ELAVL4: variants seen among roughly 807,000 people sequenced by gnomAD.
The protein encoded by ELAVL4 is ELAV-like protein 4.
Under a neutral mutation model 35.6 loss-of-function variants are expected in ELAVL4, and 1 was observed. That is an observed-to-expected ratio of 0.03 (90% CI 0.01 to 0.13). The LOEUF is 0.13. ELAVL4 is among the 10% of genes least tolerant of loss of function. The probability of loss-of-function intolerance (pLI) is 1.00; values close to 1 mark genes in which losing one functional copy is unlikely to be tolerated. For missense variants in ELAVL4, 267 were observed against 464.9 expected (o/e 0.57, Z 3.91); for synonymous variants, 156 against 171.0 (o/e 0.91, Z 0.69).
At chr1:50,164,357 C>T (rs1448931319) in intron 2 of ELAVL4, among the ~76,000 whole-genome samples, 1 of 152,116 alleles carries the variant, frequency 6.6e-6, no homozygotes, top group Non-Finnish European at 1.5e-5. Context: ...AGGCAGCCCA[C>T]CCCTTAAAAA....
intron 3 of ELAVL4, among the ~76,000 whole-genome samples, chr1:50,183,808 G>C (rs1381954329): frequency 6.6e-6 from 1 of 152,126 alleles, no homozygotes; most frequent in Non-Finnish European, 1.5e-5. Context: ...TCCTATCACT[G>C]CTCTTAATGC....
intron 2 of ELAVL4, among the ~76,000 whole-genome samples, chr1:50,156,563 A>C (rs1198525558): frequency 6.6e-6 from 1 of 152,214 alleles, no homozygotes. Context: ...GGAGAATAGA[A>C]TGGAAACTTA....
chr1:50,102,564 T>A (rs993567767), upstream of ELAVL4, among the ~76,000 whole-genome samples: 4 of 152,142 alleles, frequency 2.6e-5, no homozygotes, highest in South Asian at 2.1e-4. Context: ...AGAATTTTTT[T>A]AAATTCCATA....
At chr1:50,106,221 G>T, upstream of ELAVL4, 1 of 1,241,630 alleles carries the variant, frequency 8.1e-7, no homozygotes, top group Non-Finnish European at 1.1e-6. Flanking sequence ...ACGCTGAATT[G>T]GCTTCTGGTA....
rs539364667 is a variant in ELAVL4, at chr1:50,069,246, G to A, written c.18+21064G>A. Among the ~76,000 whole-genome samples, 62 of 152,308 alleles carry A rather than the reference G, an allele frequency of 4.1e-4. No individual in the cohort carries two copies. In the South Asian group the frequency reaches 5.8e-3, roughly 14 times the overall value. ...TGGTGACAAGGACACCTCATTCTCT[G>A]TGAGGTCTTCTGCTTAATGAAGCCC... On this transcript the variant is annotated intron_variant, in intron 1 of 6. Transcript: ENST00000448907.
intron 3 of ELAVL4, chr1:50,180,070 G>A (rs1680770919): frequency 6.6e-6 from 1 of 151,830 alleles, no homozygotes; most frequent in African/African-American, 2.4e-5. Flanking sequence ...TATGTAGGTG[G>A]GCCAAACAGA....
At chr1:50,183,063 G>A (rs1264026570) in intron 3 of ELAVL4, among the ~76,000 whole-genome samples, 2 of 151,858 alleles carry the variant, frequency 1.3e-5, no homozygotes, top group African/African-American at 4.8e-5. Context: ...TCATCATGTT[G>A]GCCAGGCTGG....
intron 1 of ELAVL4, among the ~76,000 whole-genome samples, chr1:50,132,182 AAGAG>A (rs1303861475): frequency 1.3e-5 from 2 of 152,162 alleles, no homozygotes; most frequent in Non-Finnish European, 2.9e-5. Flanking sequence ...AAATGCAAGA[AAGAG>A]AGAGAGAAGC....
At chr1:50,091,097 T>C (rs1470014465) in intron 1 of ELAVL4, among the ~76,000 whole-genome samples, 2 of 152,146 alleles carry the variant, frequency 1.3e-5, no homozygotes, top group Non-Finnish European at 2.9e-5. Flanking sequence ...CAGAAGGGAA[T>C]TGGAGCTGAA....
At chr1:50,163,540 T>C (rs1217269859) in intron 2 of ELAVL4, among the ~76,000 whole-genome samples, 1 of 152,022 alleles carries the variant, frequency 6.6e-6, no homozygotes, top group African/African-American at 2.4e-5. Flanking sequence ...AAACCCATGC[T>C]CTCTCGCCGG....
intron 1 of ELAVL4, among the ~76,000 whole-genome samples, chr1:50,097,736 G>A (rs1235736823): frequency 6.6e-6 from 1 of 152,150 alleles, no homozygotes; most frequent in African/African-American, 2.4e-5. Context: ...TAGGTAGATG[G>A]TTCAGTTTGG....
chr1:50,147,355 A>T (rs1182036382), intron 2 of ELAVL4, among the ~76,000 whole-genome samples: 1 of 152,200 alleles, frequency 6.6e-6, no homozygotes, highest in African/African-American at 2.4e-5. Flanking sequence ...CTACCTAATT[A>T]ATTCTAGCAT....
chr1:50,162,714 G>A (rs1342659286), intron 2 of ELAVL4, among the ~76,000 whole-genome samples: 1 of 152,124 alleles, frequency 6.6e-6, no homozygotes, highest in East Asian at 1.9e-4. Context: ...CACCCAAGTA[G>A]CTGGGACCAC....
At chr1:50,126,830 A>T (rs1486187714) in intron 1 of ELAVL4, among the ~76,000 whole-genome samples, 1 of 152,112 alleles carries the variant, frequency 6.6e-6, no homozygotes, top group Non-Finnish European at 1.5e-5. Context: ...ATTTAAGAAT[A>T]AAAGAATGAT....
chr1:50,098,702 T>G (rs1218165088), intron 1 of ELAVL4, among the ~76,000 whole-genome samples: 1 of 152,210 alleles, frequency 6.6e-6, no homozygotes, highest in East Asian at 1.9e-4. Flanking sequence ...TAAAAGTAGT[T>G]AAATCATTTC....
chr1:50,089,332 T>G (rs1665392036), intron 1 of ELAVL4, among the ~76,000 whole-genome samples: 1 of 152,246 alleles, frequency 6.6e-6, no homozygotes, highest in Non-Finnish European at 1.5e-5. Flanking sequence ...ATTGTTAACT[T>G]TAAAGGTTTT....
intron 1 of ELAVL4, among the ~76,000 whole-genome samples, chr1:50,082,706 T>G (rs938030250): frequency 2.0e-5 from 3 of 152,226 alleles, no homozygotes; most frequent in Non-Finnish European, 2.9e-5. Context: ...TTTTTAGAAC[T>G]TATGCCTTGA....
chr1:50,127,477 C>T lies in ELAVL4; in HGVS notation c.10-17480C>T, dbSNP rs575405280. Among the ~76,000 whole-genome samples the T allele has an allele frequency of 2.4e-4, 37 of 152,112 alleles. 1 individual carries two copies. In the South Asian group the frequency reaches 7.5e-3, roughly 31 times the overall value. On this transcript the variant is annotated intron_variant, in intron 1 of 6. Coordinates refer to ENST00000371824, the MANE Select transcript of ELAVL4 (RefSeq NM_001144774.3). Reference sequence around the variant, plus strand: ...GTGATGGCGAAAGCATTTCAGTGGACATATATGCAAAGACATGGAAGGGAC... The same window carrying T: ...GTGATGGCGAAAGCATTTCAGTGGATATATATGCAAAGACATGGAAGGGAC...
intron 3 of ELAVL4, among the ~76,000 whole-genome samples, chr1:50,178,228 G>T (rs1271911761): frequency 6.6e-6 from 1 of 152,168 alleles, no homozygotes; most frequent in African/African-American, 2.4e-5. Flanking sequence ...ACGACAGCAG[G>T]TCTGACGCAA....
Sources: allele counts gnomAD v4.1 joint callset (sites outside exome capture counted in the v4.1 genomes callset), GRCh38; gene constraint gnomAD v4.1.1; transcripts MANE v1.5; gene names NCBI Gene and HGNC (gene_info 2026-07-23, HGNC 2026-07-21).